The following UMAD1 variants were observed in gnomAD, a reference collection of about 807,000 sequenced individuals.
UMAD1 encodes UBAP1-MVB12-associated (UMA)-domain containing protein 1.
UMAD1 carries 8 observed loss-of-function variants against 6.1 expected under a neutral mutation model. That is an observed-to-expected ratio of 1.30 (90% confidence interval 0.76 to 2.35). The LOEUF (loss-of-function observed/expected upper bound fraction) is 2.35. Ranked by LOEUF, UMAD1 falls within the 30% of genes most tolerant of loss-of-function variation. UMAD1 has a pLI of 0.00. For missense variants in UMAD1, 130 were observed against 78.4 expected (o/e 1.66, Z -2.49); for synonymous variants, 56 against 31.4 (o/e 1.78, Z -2.61).
chr7:7,656,671 A>C (rs1785351344), intron 1 of UMAD1, among the ~76,000 whole-genome samples: 1 of 152,156 alleles, frequency 6.6e-6, no homozygotes, highest in African/African-American at 2.4e-5. Flanking sequence ...GCTGTATACT[A>C]TTCCATGGTG....
At chr7:7,807,969 A>T (rs1782951865) in intron 3 of UMAD1, among the ~76,000 whole-genome samples, 1 of 152,076 alleles carries the variant, frequency 6.6e-6, no homozygotes, top group South Asian at 2.1e-4. Context: ...CACGTCACTG[A>T]ACTATCTAAT....
chr7:7,865,935 T>G (rs911664112), intron 3 of UMAD1, among the ~76,000 whole-genome samples: 1 of 152,142 alleles, frequency 6.6e-6, no homozygotes, highest in Non-Finnish European at 1.5e-5. Flanking sequence ...TAAACTTCCT[T>G]TAGGAGATGT....
intron 3 of UMAD1, among the ~76,000 whole-genome samples, chr7:7,822,712 A>G (rs1783263559): frequency 6.6e-6 from 1 of 152,130 alleles, no homozygotes; most frequent in African/African-American, 2.4e-5. Context: ...AAAAATTCCT[A>G]GATTTGAACA....
intron 2 of UMAD1, among the ~76,000 whole-genome samples, chr7:7,759,514 A>G (rs936687391): frequency 3.3e-5 from 5 of 152,108 alleles, no homozygotes; most frequent in South Asian, 2.1e-4. Flanking sequence ...ACAGCATTCT[A>G]TTTTTCTTTT....
intron 2 of UMAD1, among the ~76,000 whole-genome samples, chr7:7,756,071 T>A (rs970950720): frequency 2.6e-5 from 4 of 152,208 alleles, no homozygotes; most frequent in African/African-American, 9.6e-5. Context: ...ATAGGGAGAC[T>A]TAATCAGAAA....
intron 2 of UMAD1, among the ~76,000 whole-genome samples, chr7:7,698,355 C>A (rs1406030918): frequency 3.9e-5 from 6 of 152,096 alleles, no homozygotes; most frequent in African/African-American, 1.4e-4. Flanking sequence ...TGGTGCGTTT[C>A]CTGCTGCATC....
rs1784458563 is a variant in UMAD1 at position 7,878,099 on chromosome 7, C to A, written c.*561C>A. ...AGTTTGCTGATACAAGGATGCTAGACCTGCTCTGCGTGCTCTTTCTGGAGT... is the reference window on the plus strand; with the variant it reads ...AGTTTGCTGATACAAGGATGCTAGAACTGCTCTGCGTGCTCTTTCTGGAGT... On this transcript the variant is annotated 3_prime_UTR_variant, in exon 4 of 4. Transcript: ENST00000682710. 6.5e-6 allele frequency: 1 copy of A among 154,220 alleles called. No individual in the cohort carries two copies. Among genetic ancestry groups the A allele is most frequent in the African/African-American group, 2.4e-5 (1 of 41,458 alleles). The allele number at this position is 154,220 out of a possible 1,614,324, so 9.6% of individuals were successfully genotyped here.
intron 1 of UMAD1, among the ~76,000 whole-genome samples, chr7:7,643,716 AAAAAAAAAACAAACAAACG>A (rs200748167): frequency 0.42 from 40,278 of 95,810 alleles, 7,492 homozygotes; most frequent in East Asian, 0.78. Context: ...CCTCTCAAAA[AAAAAAAAAACAAACAAACG>A]AAAAAAAAAG....
chr7:7,672,616 A>T (rs1308377857), intron 1 of UMAD1, among the ~76,000 whole-genome samples: 2 of 152,170 alleles, frequency 1.3e-5, no homozygotes, highest in African/African-American at 2.4e-5. Context: ...GTGAGTTCTC[A>T]TGAGATCTGA....
intron 2 of UMAD1, among the ~76,000 whole-genome samples, chr7:7,693,161 G>C (rs891053289): frequency 6.6e-6 from 1 of 152,072 alleles, no homozygotes; most frequent in Non-Finnish European, 1.5e-5. Context: ...GAATCTCTCA[G>C]GGAGCTGTAG....
intron 2 of UMAD1, 73 bp downstream of exon 2, chr7:7,673,526 A>G: frequency 1.5e-6 from 1 of 658,804 alleles, no homozygotes; most frequent in East Asian, 2.7e-5. Flanking sequence ...AAATTATATG[A>G]TTGATTTTAA....
chr7:7,822,831 T>A (rs1783266023), intron 3 of UMAD1, among the ~76,000 whole-genome samples: 1 of 152,112 alleles, frequency 6.6e-6, no homozygotes, highest in African/African-American at 2.4e-5. Flanking sequence ...GAAAAACTTT[T>A]TTTTTTTGGT....
At chr7:7,838,620 T>A (rs1303524420) in intron 3 of UMAD1, among the ~76,000 whole-genome samples, 1 of 152,198 alleles carries the variant, frequency 6.6e-6, no homozygotes, top group Admixed American at 6.5e-5. Context: ...CTGGATGAAC[T>A]CTTGTACACT....
At chr7:7,730,228 G>T (rs924550571) in intron 2 of UMAD1, among the ~76,000 whole-genome samples, 2 of 152,126 alleles carry the variant, frequency 1.3e-5, no homozygotes, top group Non-Finnish European at 2.9e-5. Flanking sequence ...AACCTTGGCT[G>T]TACTTTGGAA....
At chr7:7,786,774 G>A (rs1261495607) in intron 2 of UMAD1, among the ~76,000 whole-genome samples, 3 of 152,160 alleles carry the variant, frequency 2.0e-5, no homozygotes, top group Non-Finnish European at 4.4e-5. Flanking sequence ...TGGGATTGAT[G>A]TGCTTTCTCA....
intron 1 of UMAD1, among the ~76,000 whole-genome samples, chr7:7,652,399 TTACA>T (rs1410806059): frequency 2.6e-5 from 4 of 152,238 alleles, no homozygotes; most frequent in Non-Finnish European, 5.9e-5. Context: ...GTGTGTTTCT[TTACA>T]TACATTTTGT....
At chr7:7,642,241 C>T (rs1784990535) in intron 1 of UMAD1, among the ~76,000 whole-genome samples, 1 of 150,020 alleles carries the variant, frequency 6.7e-6, no homozygotes, top group African/African-American at 2.5e-5. Context: ...CTTAAGCGAT[C>T]CTCTCACCTC....
intron 2 of UMAD1, among the ~76,000 whole-genome samples, chr7:7,684,125 G>T (rs1779982136): frequency 6.6e-6 from 1 of 152,122 alleles, no homozygotes; most frequent in Admixed American, 6.5e-5. Flanking sequence ...CAATGTAAAT[G>T]CTATGTAAAC....
rs567144712 is a variant in UMAD1, at chr7:7,808,931, C to T, written c.156+7188C>T. ...ATTATCAGCTGGTGGTATTGAGATA[C>T]TCCTGTGGTTATACTGACAGAAGAC... On this transcript the variant is annotated intron_variant, in intron 3 of 3. Transcript: ENST00000682710. 4.6e-5 allele frequency among the ~76,000 whole-genome samples: 7 copies of T among 152,000 alleles called. No homozygotes were observed. In the South Asian group the frequency reaches 6.2e-4, roughly 14 times the overall value.
Sources: allele counts gnomAD v4.1 joint callset (sites outside exome capture counted in the v4.1 genomes callset), GRCh38; gene constraint gnomAD v4.1.1; transcripts MANE v1.5; gene names NCBI Gene and HGNC (gene_info 2026-07-23, HGNC 2026-07-21).